Variants in CFAP77 observed in about 807,000 individuals in gnomAD.
CFAP77 encodes the protein cilia and flagella associated protein 77, also known as cilia- and flagella-associated protein 77.
CFAP77 carries 25 observed loss-of-function variants against 31.1 expected under a neutral mutation model. That is an observed-to-expected ratio of 0.80 (90% confidence interval 0.59 to 1.12). The LOEUF is 1.12. CFAP77 is among the 50% of genes most tolerant of loss of function. The probability of loss-of-function intolerance (pLI) is 0.00; values close to 1 mark genes in which losing one functional copy is unlikely to be tolerated. For missense variants in CFAP77, 377 were observed against 397.3 expected (o/e 0.95, Z 0.44); for synonymous variants, 151 against 159.9 (o/e 0.94, Z 0.42).
At chr9:132,461,078 AT>A (rs1228978032) in intron 1 of CFAP77, among the ~76,000 whole-genome samples, 3 of 152,244 alleles carry the variant, frequency 2.0e-5, no homozygotes, top group African/African-American at 7.2e-5. Flanking sequence ...AAAAAAATTA[AT>A]GTAAAAAATG....
intron 5 of CFAP77, among the ~76,000 whole-genome samples, chr9:132,549,549 G>A (rs1196034542): frequency 6.6e-6 from 1 of 152,210 alleles, no homozygotes; most frequent in Non-Finnish European, 1.5e-5. Context: ...GATGAAAGCA[G>A]GAGCTTGGCC....
intron 1 of CFAP77, among the ~76,000 whole-genome samples, chr9:132,488,473 G>A (rs1851599398): frequency 6.6e-6 from 1 of 152,208 alleles, no homozygotes; most frequent in Admixed American, 6.5e-5. Flanking sequence ...AATAAGAAAT[G>A]AGGGCTAGTT....
chr9:132,503,673 A>G (rs996231770), intron 3 of CFAP77, among the ~76,000 whole-genome samples: 2 of 152,204 alleles, frequency 1.3e-5, no homozygotes, highest in African/African-American at 4.8e-5. Flanking sequence ...TGAGGCAGGC[A>G]GAGGTTAACT....
intron 1 of CFAP77, among the ~76,000 whole-genome samples, chr9:132,493,721 C>A (rs1851688706): frequency 6.6e-6 from 1 of 152,268 alleles, no homozygotes; most frequent in Admixed American, 6.5e-5. Context: ...CTGGCTGCAT[C>A]CGCATGGAGG....
At chr9:132,465,442 G>A (rs1851137664) in intron 1 of CFAP77, among the ~76,000 whole-genome samples, 4 of 152,170 alleles carry the variant, frequency 2.6e-5, no homozygotes, top group South Asian at 4.2e-4. Context: ...ATACAGCCAG[G>A]AAAAGGCACA....
Position 132,565,966 on chromosome 9 carries a change from A to T in CFAP77, c.733-6422A>T, listed in dbSNP as rs889055467. Among the ~76,000 whole-genome samples, 3 of 152,216 alleles carry T rather than the reference A, an allele frequency of 2.0e-5. No individual in the cohort carries two copies. Among genetic ancestry groups the T allele is most frequent in the Non-Finnish European group, 2.9e-5 (2 of 68,036 alleles). ...AGCAGCTCAGAGCTCCATTCAGCAA[A>T]GCTGTCTCCTGCCAAAGCCATTACA... On this transcript the variant is annotated intron_variant, in intron 5 of 5. Coordinates refer to ENST00000393216, the MANE Select transcript of CFAP77 (RefSeq NM_001282957.2). The surrounding 1 kb of genome is among the most constrained non-coding windows in gnomAD (Gnocchi z 4.1).
intron 1 of CFAP77, among the ~76,000 whole-genome samples, chr9:132,468,301 G>A (rs1851190620): frequency 6.6e-6 from 1 of 152,128 alleles, no homozygotes; most frequent in Non-Finnish European, 1.5e-5. Flanking sequence ...AGCCGAGGTT[G>A]CGCCACTGCC....
intron 1 of CFAP77, among the ~76,000 whole-genome samples, chr9:132,470,349 G>A (rs969408878): frequency 3.3e-5 from 5 of 152,134 alleles, no homozygotes; most frequent in African/African-American, 1.2e-4. Context: ...AGCAGGTTGC[G>A]CCTTAGTAGA....
At chr9:132,529,824 CA>C (rs572231164) in intron 3 of CFAP77, among the ~76,000 whole-genome samples, 13,337 of 115,912 alleles carry the variant, frequency 0.12, 732 homozygotes, top group Non-Finnish European at 0.17. Context: ...GACTCTGTCT[CA>C]AAAAAAAAAA....
intron 3 of CFAP77, among the ~76,000 whole-genome samples, chr9:132,507,712 T>C (rs1203738263): frequency 6.6e-6 from 1 of 152,082 alleles, no homozygotes; most frequent in Non-Finnish European, 1.5e-5. Context: ...CAAGCTCCTA[T>C]AAAATAATAA....
rs1829857129 is a variant in CFAP77, at chr9:132,564,107, G to A, written c.733-8281G>A. On this transcript the variant is annotated intron_variant, in intron 5 of 5. Coordinates refer to ENST00000393216, the MANE Select transcript of CFAP77 (RefSeq NM_001282957.2). The surrounding 1 kb of genome is among the most constrained non-coding windows in gnomAD (Gnocchi z 4.6). Reference sequence around the variant, plus strand: ...CAATTCTAATTGAAGAATTCGTTGTGTGATTTTATTTTTATTAGTAGTTTC... The same window carrying A: ...CAATTCTAATTGAAGAATTCGTTGTATGATTTTATTTTTATTAGTAGTTTC... Among the ~76,000 whole-genome samples, 2 of 152,168 alleles carry A rather than the reference G, an allele frequency of 1.3e-5. No homozygotes were observed. Among genetic ancestry groups the A allele is most frequent in the Non-Finnish European group, 2.9e-5 (2 of 68,030 alleles).
At chr9:132,446,182 T>C (rs1399777564) in intron 1 of CFAP77, among the ~76,000 whole-genome samples, 1 of 152,068 alleles carries the variant, frequency 6.6e-6, no homozygotes, top group Non-Finnish European at 1.5e-5. Context: ...ATCCATGAGA[T>C]ATTTTTCATT....
At position 132,511,728 on chromosome 9, in the gene CFAP77, G is replaced by A. The variant is rs1305557123; in HGVS notation, c.524+12128G>A. Among the ~76,000 whole-genome samples, 2 of 152,168 alleles carry A rather than the reference G, an allele frequency of 1.3e-5. No homozygotes were observed. Among genetic ancestry groups the A allele is most frequent in the Non-Finnish European group, 1.5e-5 (1 of 68,020 alleles). ...CGTTTGTTAATTTCCTGGGGTTTCT[G>A]AAACAAATTACCACACGTTCAATGG... On this transcript the variant is annotated intron_variant, in intron 3 of 5. Transcript: ENST00000393216. The surrounding 1 kb of genome is among the most constrained non-coding windows in gnomAD (Gnocchi z 5.8).
At position 132,498,448 on chromosome 9, in the gene CFAP77, C is replaced by A. The variant is rs1851781364; in HGVS notation, c.196-247C>A. ...CAATACACATGTACCGAGAGGCCCC[C>A]CGTCTCTGATGTCTTCACTTGCCTT... On this transcript the variant is annotated intron_variant, in intron 1 of 5. Transcript: ENST00000393216. The surrounding 1 kb of genome is among the most constrained non-coding windows in gnomAD (Gnocchi z 4.2). 6.6e-6 allele frequency among the ~76,000 whole-genome samples: 1 copy of A among 152,140 alleles called. No individual in the cohort carries two copies. Among genetic ancestry groups the A allele is most frequent in the South Asian group, 2.1e-4 (1 of 4,822 alleles).
intron 1 of CFAP77, among the ~76,000 whole-genome samples, chr9:132,414,655 T>C (rs1418894075): frequency 6.6e-6 from 1 of 152,078 alleles, no homozygotes; most frequent in East Asian, 1.9e-4. Flanking sequence ...TCTGGGCAGG[T>C]CTCAGGGACC....
chr9:132,529,824 C>CA (rs572231164), intron 3 of CFAP77, among the ~76,000 whole-genome samples: 1,935 of 115,964 alleles, frequency 0.017, 24 homozygotes, highest in East Asian at 0.035. Context: ...GACTCTGTCT[C>CA]AAAAAAAAAA....
rs1852840677 is a variant in CFAP77, at chr9:132,552,693, C to T, written c.732+9646C>T. On this transcript the variant is annotated intron_variant, in intron 5 of 5. Coordinates refer to ENST00000393216, the MANE Select transcript of CFAP77 (RefSeq NM_001282957.2). The surrounding 1 kb of genome is among the most constrained non-coding windows in gnomAD (Gnocchi z 5.5). ...CCCAGGTGACAGGGTGAGACTCCAT[C>T]TCAAAAAAAAAAAAAAAAAGCAGAG... is the stretch of plus-strand genomic sequence containing the variant. Among the ~76,000 whole-genome samples the T allele has an allele frequency of 7.1e-6, 1 of 140,166 alleles. No individual in the cohort carries two copies. Among genetic ancestry groups the T allele is most frequent in the Non-Finnish European group, 1.5e-5 (1 of 66,356 alleles). The allele number at this position is 140,166 out of a possible 152,430, so 92.0% of individuals were successfully genotyped here. A position where few individuals can be genotyped will look rare whatever the true frequency, so the allele number is the denominator to read the frequency against.
At chr9:132,458,173 C>A (rs1044318789) in intron 1 of CFAP77, among the ~76,000 whole-genome samples, 1 of 152,234 alleles carries the variant, frequency 6.6e-6, no homozygotes, top group African/African-American at 2.4e-5. Context: ...TCCTGCGAGG[C>A]CTTAAATCAG....
chr9:132,544,960 C>T (rs1852710017), intron 5 of CFAP77, among the ~76,000 whole-genome samples: 4 of 152,056 alleles, frequency 2.6e-5, no homozygotes, highest in Admixed American at 2.6e-4. Context: ...GATTTAGAGC[C>T]CAAGACCATG....
Sources: gnomAD v4.1 joint callset for allele counts (sites outside exome capture counted in the v4.1 genomes callset) on GRCh38, gnomAD v4.1.1 for gene constraint, Gnocchi (gnomAD v3.1) non-coding constraint, MANE v1.5 for transcripts, NCBI Gene and HGNC (gene_info 2026-07-23, HGNC 2026-07-21) for gene names.